The following KHDRBS2 variants were observed in gnomAD, a reference collection of about 807,000 sequenced individuals.
The protein encoded by KHDRBS2 is KH RNA binding domain containing, signal transduction associated 2.
Under a neutral mutation model 44.3 loss-of-function variants are expected in KHDRBS2, and 26 were observed. The observed-to-expected ratio is 0.59, with a 90% CI of 0.43 to 0.81. KHDRBS2 has a LOEUF of 0.81. KHDRBS2 is among the 40% of genes least tolerant of loss of function. KHDRBS2 has a pLI of 0.00. For synonymous variants in KHDRBS2, 194 were observed against 151.1 expected (o/e 1.28, Z -2.08); for missense variants, 476 against 433.1 (o/e 1.10, Z -0.88).
intron 4 of KHDRBS2, among the ~76,000 whole-genome samples, chr6:61,905,314 G>T (rs1387965691): frequency 6.6e-6 from 1 of 152,014 alleles, no homozygotes; most frequent in African/African-American, 2.4e-5. Flanking sequence ...GAGAGAATAT[G>T]GGCAATCACA....
the KHDRBS2 span, among the ~76,000 whole-genome samples, chr6:61,588,784 C>A: frequency 6.6e-6 from 1 of 151,872 alleles, no homozygotes; most frequent in East Asian, 1.9e-4. Flanking sequence ...AGGGCAAGAC[C>A]CTGTCTCAAA....
chr6:62,050,005 G>A (rs1788621819), intron 2 of KHDRBS2, among the ~76,000 whole-genome samples: 1 of 152,000 alleles, frequency 6.6e-6, no homozygotes, highest in South Asian at 2.1e-4. Flanking sequence ...GTTTATTGCA[G>A]CACTATTTAC....
chr6:61,960,557 A>T (rs534130380), intron 4 of KHDRBS2, among the ~76,000 whole-genome samples: 7 of 152,258 alleles, frequency 4.6e-5, no homozygotes, highest in South Asian at 4.1e-4. Context: ...CCTTAGATCA[A>T]TAAAAACATG....
At chr6:62,112,844 C>A (rs1805332056) in intron 2 of KHDRBS2, among the ~76,000 whole-genome samples, 1 of 152,078 alleles carries the variant, frequency 6.6e-6, no homozygotes, top group African/African-American at 2.4e-5. Context: ...TCAAAATTAT[C>A]TTTAGCTAGT....
intron 4 of KHDRBS2, among the ~76,000 whole-genome samples, chr6:61,931,899 A>G (rs1810122653): frequency 6.6e-6 from 1 of 152,052 alleles, no homozygotes; most frequent in South Asian, 2.1e-4. Flanking sequence ...CTCAACATGA[A>G]GACAACAAGG....
chr6:61,605,286 T>C, the KHDRBS2 span, among the ~76,000 whole-genome samples: 1 of 152,156 alleles, frequency 6.6e-6, no homozygotes, highest in African/African-American at 2.4e-5. Flanking sequence ...CTATTCACCA[T>C]TCTCAACTAT....
intron 1 of KHDRBS2, among the ~76,000 whole-genome samples, chr6:62,231,184 C>T (rs1760517991): frequency 6.6e-6 from 1 of 152,170 alleles, no homozygotes; most frequent in Admixed American, 6.5e-5. Flanking sequence ...CACAAACGTA[C>T]ATTGTCCCAG....
chr6:62,253,193 T>G (rs539844269), intron 1 of KHDRBS2, among the ~76,000 whole-genome samples: 6 of 152,198 alleles, frequency 3.9e-5, no homozygotes, highest in Admixed American at 3.3e-4. Context: ...TATCTTTTAT[T>G]TCTGCAACAT....
chr6:61,760,246 C>A (rs1250372231), intron 6 of KHDRBS2, among the ~76,000 whole-genome samples: 1 of 152,072 alleles, frequency 6.6e-6, no homozygotes, highest in Non-Finnish European at 1.5e-5. Flanking sequence ...AGAAGGTCTG[C>A]AAACAAGTAT....
At chr6:61,587,516 A>AC in the KHDRBS2 span, among the ~76,000 whole-genome samples, 1 of 152,056 alleles carries the variant, frequency 6.6e-6, no homozygotes, top group South Asian at 2.1e-4. Flanking sequence ...TCAATAGAAA[A>AC]CCTACATTTT....
intron 3 of KHDRBS2, among the ~76,000 whole-genome samples, chr6:62,009,870 T>G (rs546541175): frequency 6.6e-6 from 1 of 151,880 alleles, no homozygotes; most frequent in African/African-American, 2.4e-5. Context: ...CAGGCAGGAG[T>G]TTGCTGTAGG....
At chr6:62,111,247 C>T (rs1229646905) in intron 2 of KHDRBS2, among the ~76,000 whole-genome samples, 1 of 151,960 alleles carries the variant, frequency 6.6e-6, no homozygotes, top group Non-Finnish European at 1.5e-5. Flanking sequence ...TTAACACTTC[C>T]CTTAGACACA....
At chr6:62,144,817 C>CA (rs1408159339) in intron 2 of KHDRBS2, among the ~76,000 whole-genome samples, 9 of 151,790 alleles carry the variant, frequency 5.9e-5, no homozygotes, top group Admixed American at 5.9e-4. Context: ...CAGGTGGTGC[C>CA]ATGGATGAAG....
Position 62,068,360 on chromosome 6 carries a change from A to T in KHDRBS2, c.220-20366T>A, listed in dbSNP as rs182414459. Among the ~76,000 whole-genome samples, 89 of 150,238 alleles carry T rather than the reference A, an allele frequency of 5.9e-4. 1 individual carries two copies. Among genetic ancestry groups the T allele is most frequent in the Middle Eastern group, 6.8e-3 (2 of 294 alleles). On this transcript the variant is annotated intron_variant, in intron 2 of 8. Coordinates refer to ENST00000281156, the MANE Select transcript of KHDRBS2 (RefSeq NM_152688.4). ...TATGCAGATTATATATCCAGTTTTA[A>T]TTTTTTTTTCTTATTGAGATATGAG... is the stretch of plus-strand genomic sequence containing the variant.
chr6:61,592,188 CAAAAAAAAAAAAA>C, the KHDRBS2 span, among the ~76,000 whole-genome samples: 1 of 122,266 alleles, frequency 8.2e-6, no homozygotes, highest in African/African-American at 3.0e-5. Flanking sequence ...AAGATCCCAC[CAAAAAAAAAAAAA>C]AAAAAAAAAA....
the KHDRBS2 span, among the ~76,000 whole-genome samples, chr6:61,572,933 A>G: frequency 6.6e-6 from 1 of 152,324 alleles, no homozygotes; most frequent in Admixed American, 6.5e-5. Context: ...CACTTTCACC[A>G]CTTCTATTCA....
chr6:62,001,181 T>TTAAATTTG (rs1778169884), intron 3 of KHDRBS2, among the ~76,000 whole-genome samples: 1 of 152,144 alleles, frequency 6.6e-6, no homozygotes, highest in South Asian at 2.1e-4. Context: ...AAGAGCAAAG[T>TTAAATTTG]CCTTAAAGAA....
the KHDRBS2 span, among the ~76,000 whole-genome samples, chr6:61,631,449 G>A: frequency 1.3e-5 from 2 of 151,818 alleles, no homozygotes; most frequent in African/African-American, 2.4e-5. Context: ...ATATTTTCAA[G>A]GAAGTAGTGG....
intron 2 of KHDRBS2, among the ~76,000 whole-genome samples, chr6:62,146,904 G>A (rs1230168559): frequency 6.6e-6 from 1 of 151,904 alleles, no homozygotes; most frequent in South Asian, 2.1e-4. Flanking sequence ...CATGGGTAAA[G>A]GAGCCCAATC....
Sources: gnomAD v4.1 joint callset for allele counts (sites outside exome capture counted in the v4.1 genomes callset) on GRCh38, gnomAD v4.1.1 for gene constraint, MANE v1.5 for transcripts, NCBI Gene and HGNC (gene_info 2026-07-23, HGNC 2026-07-21) for gene names.